FBXO40: variants seen among roughly 807,000 people sequenced by gnomAD.
FBXO40 encodes the protein F-box only protein 40.
Under a neutral mutation model 49.9 loss-of-function variants are expected in FBXO40, and 50 were observed. The ratio of observed to expected loss-of-function variants is 1.00; its 90% confidence interval spans 0.80 to 1.27. FBXO40 has a LOEUF of 1.27. Among genes scored for constraint, FBXO40 ranks in the 50% most tolerant of loss-of-function variants. The pLI, the probability that FBXO40 is intolerant of heterozygous loss-of-function variation, is 0.00. For missense variants in FBXO40, 895 were observed against 870.1 expected (o/e 1.03, Z -0.36); for synonymous variants, 340 against 320.2 (o/e 1.06, Z -0.66).
rs996784354 is a variant in FBXO40, at chr3:121,607,288, A to G, written c.-30-13258A>G. The stretch of plus-strand genomic sequence containing the variant: ...CTCAAAAAAAAAAAAAAATTGAGAG[A>G]CCTCTAAAGCTCTTTTTTTTTTTTT... On this transcript the variant is annotated intron_variant, in intron 1 of 3. Coordinates refer to ENST00000338040, the MANE Select transcript of FBXO40 (RefSeq NM_016298.4). Among the ~76,000 whole-genome samples, 42 of 128,452 alleles carry G rather than the reference A, an allele frequency of 3.3e-4. No homozygotes were observed. In the East Asian group the frequency reaches 6.1e-3, roughly 19 times the overall value. 84.3% of individuals were successfully genotyped at this position (128,452 alleles called of 152,430 possible).
rs2049068170 is a variant in FBXO40 at position 121,627,369 on chromosome 3, G to C, written c.*459G>C. The C allele has an allele frequency of 5.6e-6, 1 of 177,388 alleles. No individual in the cohort carries two copies. The highest frequency in any genetic ancestry group is 2.4e-5 in the African/African-American group (1 of 41,868). The allele number at this position is 177,388 out of a possible 1,614,324, so 11.0% of individuals were successfully genotyped here. On this transcript the variant is annotated 3_prime_UTR_variant, in exon 4 of 4. Transcript: ENST00000338040. ...CTCCCCAGGGAACGCAGGGTGAAGG[G>C]AACAAAGCTGGAGGCTCTGGAGCTG...
intron 1 of FBXO40, among the ~76,000 whole-genome samples, chr3:121,602,969 T>C (rs1209491121): frequency 6.6e-6 from 1 of 152,190 alleles, no homozygotes; most frequent in Admixed American, 6.5e-5. Context: ...ACTGGGCAGC[T>C]TACAGACAAC....
rs1220716887 is a variant in FBXO40, at chr3:121,627,011, C to T, written c.*101C>T. 2 of 1,096,228 alleles carry T rather than the reference C, an allele frequency of 1.8e-6. No homozygotes were observed. Among genetic ancestry groups the T allele is most frequent in the Non-Finnish European group, 1.3e-6 (1 of 742,496 alleles). 67.9% of individuals were successfully genotyped at this position (1,096,228 alleles called of 1,614,324 possible). A position where few individuals can be genotyped will look rare whatever the true frequency, so the allele number is the denominator to read the frequency against. On this transcript the variant is annotated 3_prime_UTR_variant, in exon 4 of 4. Coordinates refer to ENST00000338040, the MANE Select transcript of FBXO40 (RefSeq NM_016298.4). ...TTGAGGACTCCCTTCTGTAAACTGCCTATTTGCTTATCGGGGTGTATTGGA... is the reference window on the plus strand; with the variant it reads ...TTGAGGACTCCCTTCTGTAAACTGCTTATTTGCTTATCGGGGTGTATTGGA...
Position 121,623,318 on chromosome 3 carries a change from G to T in FBXO40, c.1889G>T (p.Gly630Val). 3 of 1,613,904 alleles carry T rather than the reference G, an allele frequency of 1.9e-6. No individual in the cohort carries two copies. Among genetic ancestry groups the T allele is most frequent in the East Asian group, 4.5e-5 (2 of 44,880 alleles). The change falls in exon 3 of 4, where the codon GGC (glycine) becomes GTC (valine). Residue 630 changes from glycine (G) to valine (V), a missense_variant. Physicochemically the swap from Gly to Val is moderately radical, Grantham distance 109. Transcript: ENST00000338040. The part of the protein sequence containing the change: ...QWKKKRYSHG[G>V]TSWRVHREIW... ...AAGAAAAAGAGGTATTCCCATGGAG[G>T]CACCTCCTGGAGAGTCCACAGAGAG...
intron 2 of FBXO40, among the ~76,000 whole-genome samples, chr3:121,620,943 T>TC (rs2049026495): frequency 6.6e-6 from 1 of 152,188 alleles, no homozygotes; most frequent in South Asian, 2.1e-4. Flanking sequence ...ATGGCTGCTG[T>TC]CCTCCCAGCC....
chr3:121,604,871 G>A (rs1275239088), intron 1 of FBXO40, among the ~76,000 whole-genome samples: 1 of 152,184 alleles, frequency 6.6e-6, no homozygotes, highest in African/African-American at 2.4e-5. Context: ...GTGAGGCCAA[G>A]TGGTTATACC....
At chr3:121,617,409 CGTGGTG>C (rs2049003373) in intron 1 of FBXO40, among the ~76,000 whole-genome samples, 1 of 151,406 alleles carries the variant, frequency 6.6e-6, no homozygotes, top group African/African-American at 2.4e-5. Context: ...TCCTGGACAA[CGTGGTG>C]AAACCCCGTC....
chr3:121,625,924 G>A (rs1265756224), intron 3 of FBXO40, among the ~76,000 whole-genome samples: 1 of 152,214 alleles, frequency 6.6e-6, no homozygotes, highest in Non-Finnish European at 1.5e-5. Flanking sequence ...AACCAGACTT[G>A]AAAACGGTGA....
chr3:121,600,549 G>C (rs1454165346), intron 1 of FBXO40, among the ~76,000 whole-genome samples: 1 of 152,180 alleles, frequency 6.6e-6, no homozygotes, highest in East Asian at 1.9e-4. Flanking sequence ...AACCTGAAAA[G>C]ATTAATAATA....
intron 1 of FBXO40, among the ~76,000 whole-genome samples, chr3:121,616,866 TA>T (rs1438142580): frequency 2.0e-5 from 3 of 152,158 alleles, no homozygotes; most frequent in Non-Finnish European, 4.4e-5. Flanking sequence ...AAATTGACAT[TA>T]AAAGGATCCT....
At position 121,622,008 on chromosome 3, in the gene FBXO40, A is replaced by G. The variant is rs751796828; in HGVS notation, c.579A>G (p.Ala193=). 3.1e-6 allele frequency: 5 copies of G among 1,614,246 alleles called. No individual in the cohort carries two copies. The East Asian group carries it at 1.1e-4, about 36-fold the overall frequency. Residue 193 remains alanine, a synonymous_variant, in exon 3 of 4, where the codon GCA becomes GCG. Transcript: ENST00000338040. ...HGLSATNGEM[A]ELSQEEREVL... ...TGTCAGCAACTAATGGGGAGATGGC[A>G]GAGCTAAGTCAAGAAGAACGGGAGG... is the stretch of plus-strand genomic sequence containing the variant.
chr3:121,597,808 C>T (rs889561909), intron 1 of FBXO40, among the ~76,000 whole-genome samples: 2 of 151,860 alleles, frequency 1.3e-5, no homozygotes, highest in African/African-American at 4.8e-5. Context: ...ATTACAGGTG[C>T]CTGACACCAC....
chr3:121,616,250 C>T (rs1031820237), intron 1 of FBXO40, among the ~76,000 whole-genome samples: 2 of 152,168 alleles, frequency 1.3e-5, no homozygotes, highest in Non-Finnish European at 2.9e-5. Flanking sequence ...CTTTCACACT[C>T]AGTAGCCCCA....
rs374744484 is a variant in FBXO40, at chr3:121,622,899, G to A, written c.1470G>A (p.Leu490=). The change falls in exon 3 of 4, where the codon CTG becomes CTA. Residue 490 remains leucine, a synonymous_variant. Transcript: ENST00000338040. ...NKFFRRDEFP[L]HFKNVHTDIQ... is the part of the protein sequence containing the mutation. ...TCTTCAGGAGGGATGAGTTCCCCCT[G>A]CACTTCAAGAATGTCCACACAGACA... 2.3e-5 allele frequency: 37 copies of A among 1,614,088 alleles called. No homozygotes were observed. The highest frequency in any genetic ancestry group is 3.1e-5 in the Non-Finnish European group (36 of 1,180,038).
rs753269905 is a variant in FBXO40 at position 121,620,539 on chromosome 3, C to T, written c.-30-7C>T. 1.2e-6 allele frequency: 2 copies of T among 1,613,396 alleles called. No homozygotes were observed. The highest frequency in any genetic ancestry group is 1.1e-5 in the South Asian group (1 of 91,040). On this transcript the variant is annotated splice_polypyrimidine_tract_variant and splice_region_variant and intron_variant, in intron 1 of 3. Coordinates refer to ENST00000338040, the MANE Select transcript of FBXO40 (RefSeq NM_016298.4). ...TACTAATTATTTATATTCATATTTTCCCGTAGAGCTAAGAAGCAAGAAGAA... is the reference window on the plus strand; with the variant it reads ...TACTAATTATTTATATTCATATTTTTCCGTAGAGCTAAGAAGCAAGAAGAA...
rs1413705256 is a variant in FBXO40 at position 121,630,103 on chromosome 3, AG to A, written c.*3195del. 2 of 152,242 alleles carry A rather than the reference AG, an allele frequency of 1.3e-5. No individual in the cohort carries two copies. Among genetic ancestry groups the A allele is most frequent in the Non-Finnish European group, 2.9e-5 (2 of 68,050 alleles). The allele number at this position is 152,242 out of a possible 1,614,324, so 9.4% of individuals were successfully genotyped here. ...AAAAGAAGTTTCTATCTCACAACAA[AG>A]GAAAAAGTGAAAAGCAAGGTGGAAC... On this transcript the variant is annotated 3_prime_UTR_variant, in exon 4 of 4. Coordinates refer to ENST00000338040, the MANE Select transcript of FBXO40 (RefSeq NM_016298.4).
In FBXO40 at chr3:121,603,378, G is replaced by T. The variant is rs562898922; in HGVS notation, c.-31+9876G>T. ...TGTACTTATAAGAAACTATAAAGAG[G>T]TAAATTAAACTTGGAATGTGCAGAC... On this transcript the variant is annotated intron_variant, in intron 1 of 3. Transcript: ENST00000338040. 1.4e-4 allele frequency among the ~76,000 whole-genome samples: 21 copies of T among 152,360 alleles called. 1 individual carries two copies. In the South Asian group the frequency reaches 4.1e-3, roughly 30 times the overall value.
At chr3:121,607,266 A>C (rs1440319325) in intron 1 of FBXO40, among the ~76,000 whole-genome samples, 3 of 70,606 alleles carry the variant, frequency 4.2e-5, no homozygotes, top group Non-Finnish European at 9.7e-5. Flanking sequence ...ACTCCATCTC[A>C]AAAAAAAAAA....
intron 1 of FBXO40, among the ~76,000 whole-genome samples, chr3:121,611,540 T>C (rs1028983263): frequency 1.6e-4 from 24 of 152,324 alleles, no homozygotes; most frequent in East Asian, 9.6e-4. Context: ...GGTTTTTCTC[T>C]GATCTCAGAA....
Sources: gnomAD v4.1 joint callset for allele counts (sites outside exome capture counted in the v4.1 genomes callset) on GRCh38, gnomAD v4.1.1 for gene constraint, MANE v1.5 for transcripts, NCBI Gene and HGNC (gene_info 2026-07-23, HGNC 2026-07-21) for gene names.